Variants in SUGCT observed in about 807,000 individuals in gnomAD.
SUGCT encodes succinyl-CoA:glutarate CoA-transferase.
A neutral mutation model predicts 55.0 loss-of-function variants in SUGCT; 41 were observed. The ratio of observed to expected loss-of-function variants is 0.74; its 90% CI spans 0.58 to 0.97. The LOEUF (loss-of-function observed/expected upper bound fraction) is 0.97, where lower values mean the gene tolerates loss of function less well. SUGCT is among the 50% of genes least tolerant of loss of function. The pLI is 0.00. For missense variants in SUGCT, 568 were observed against 547.8 expected (o/e 1.04, Z -0.37); for synonymous variants, 187 against 200.4 (o/e 0.93, Z 0.56).
At chr7:40,916,517 A>ACAGAT in the SUGCT span, among the ~76,000 whole-genome samples, 1 of 152,206 alleles carries the variant, frequency 6.6e-6, no homozygotes, top group Non-Finnish European at 1.5e-5. Flanking sequence ...TGAAGCCAAT[A>ACAGAT]CAGATGAAAA....
intron 6 of SUGCT, among the ~76,000 whole-genome samples, chr7:40,216,526 G>GC (rs973283032): frequency 1.9e-4 from 27 of 142,192 alleles, no homozygotes; most frequent in Admixed American, 1.4e-4. Context: ...AAAAAAGAAA[G>GC]CATGATAGGA....
At chr7:40,648,027 G>A (rs1004928491) in intron 12 of SUGCT, among the ~76,000 whole-genome samples, 1 of 152,084 alleles carries the variant, frequency 6.6e-6, no homozygotes, top group African/African-American at 2.4e-5. Flanking sequence ...ATCAGAAGAT[G>A]GGTATAAAAA....
In SUGCT at chr7:40,805,948, G is replaced by T. The variant is rs144502593; in HGVS notation, c.1154-54368G>T. On this transcript the variant is annotated intron_variant, in intron 13 of 13. Transcript: ENST00000335693. ...AAATGCCAGGAATATGAAACAGTGAGGAGGAAAGGCTCCTTGAAATAGTGC... is the reference window on the plus strand; with the variant it reads ...AAATGCCAGGAATATGAAACAGTGATGAGGAAAGGCTCCTTGAAATAGTGC... Among the ~76,000 whole-genome samples the T allele has an allele frequency of 1.9e-3, 295 of 152,306 alleles. 1 individual carries two copies. The highest frequency in any genetic ancestry group is 6.9e-3 in the African/African-American group (287 of 41,570).
chr7:40,178,975 C>T (rs991998574), intron 1 of SUGCT, among the ~76,000 whole-genome samples: 3 of 151,974 alleles, frequency 2.0e-5, no homozygotes, highest in African/African-American at 2.4e-5. Flanking sequence ...TTTCTTATCT[C>T]GATCTTTCTG....
chr7:40,815,036 G>A (rs74758827), intron 13 of SUGCT, among the ~76,000 whole-genome samples: 4 of 152,244 alleles, frequency 2.6e-5, no homozygotes, highest in South Asian at 2.1e-4. Context: ...TGTAGATGGC[G>A]CTTATAGGTA....
At chr7:40,645,377 C>T (rs911660183) in intron 12 of SUGCT, among the ~76,000 whole-genome samples, 4 of 152,058 alleles carry the variant, frequency 2.6e-5, no homozygotes, top group Non-Finnish European at 5.9e-5. Flanking sequence ...TGTGGGAGGG[C>T]CCACCATGTA....
the SUGCT span, among the ~76,000 whole-genome samples, chr7:41,006,422 C>G: frequency 6.6e-6 from 1 of 151,996 alleles, no homozygotes; most frequent in Admixed American, 6.5e-5. Flanking sequence ...TTTGAAAGAG[C>G]TACTTGAGTG....
intron 7 of SUGCT, among the ~76,000 whole-genome samples, chr7:40,258,301 C>T (rs1790954643): frequency 1.3e-5 from 2 of 152,154 alleles, no homozygotes; most frequent in Non-Finnish European, 2.9e-5. Flanking sequence ...TTTGAATTTT[C>T]GTTCTGTCAT....
At chr7:40,322,565 C>T (rs888874186) in intron 9 of SUGCT, among the ~76,000 whole-genome samples, 11 of 152,170 alleles carry the variant, frequency 7.2e-5, no homozygotes, top group African/African-American at 1.7e-4. Flanking sequence ...TTATTGTGCT[C>T]CTGGCAAAAC....
chr7:40,983,918 G>C, the SUGCT span, among the ~76,000 whole-genome samples: 2 of 152,140 alleles, frequency 1.3e-5, no homozygotes, highest in Non-Finnish European at 2.9e-5. Context: ...AAAAAGAATT[G>C]GTTGGGGGAT....
At chr7:40,354,430 C>T (rs1797791678) in intron 9 of SUGCT, among the ~76,000 whole-genome samples, 1 of 152,132 alleles carries the variant, frequency 6.6e-6, no homozygotes. Context: ...GGAGGAGAGG[C>T]CACCTGGTTA....
chr7:40,249,337 A>ATG (rs959583985), intron 7 of SUGCT, among the ~76,000 whole-genome samples: 2 of 113,686 alleles, frequency 1.8e-5, no homozygotes, highest in African/African-American at 6.0e-5. Context: ...ATATATATAT[A>ATG]TATATATATA....
At chr7:40,613,867 G>A (rs532971064) in intron 12 of SUGCT, among the ~76,000 whole-genome samples, 4 of 152,180 alleles carry the variant, frequency 2.6e-5, no homozygotes, top group South Asian at 2.1e-4. Context: ...TCGGCCTCCC[G>A]AAGTGCTGTG....
At chr7:40,441,707 G>A (rs1788524950) in intron 9 of SUGCT, among the ~76,000 whole-genome samples, 1 of 152,302 alleles carries the variant, frequency 6.6e-6, no homozygotes, top group African/African-American at 2.4e-5. Context: ...TAGAGAAAGA[G>A]TTTAATAATC....
intron 8 of SUGCT, among the ~76,000 whole-genome samples, chr7:40,302,264 T>C (rs1794581741): frequency 6.6e-6 from 1 of 152,090 alleles, no homozygotes; most frequent in Admixed American, 6.5e-5. Flanking sequence ...CCTGTTATTC[T>C]TCCCACCTGT....
chr7:40,949,371 G>A, the SUGCT span, among the ~76,000 whole-genome samples: 1 of 152,078 alleles, frequency 6.6e-6, no homozygotes, highest in African/African-American at 2.4e-5. Flanking sequence ...TGTCAGATGA[G>A]TAGATTGCAA....
intron 12 of SUGCT, among the ~76,000 whole-genome samples, chr7:40,711,967 C>G (rs1255668224): frequency 6.6e-6 from 1 of 152,202 alleles, no homozygotes; most frequent in Non-Finnish European, 1.5e-5. Flanking sequence ...CATCCTCACT[C>G]TCATTCAGTT....
At chr7:40,658,948 G>A (rs1318911251) in intron 12 of SUGCT, among the ~76,000 whole-genome samples, 1 of 152,112 alleles carries the variant, frequency 6.6e-6, no homozygotes, top group Non-Finnish European at 1.5e-5. Context: ...TGTGGAGTTT[G>A]ACTCATTTCA....
chr7:40,630,812 C>T (rs760152164), intron 12 of SUGCT, among the ~76,000 whole-genome samples: 24 of 137,746 alleles, frequency 1.7e-4, no homozygotes, highest in Admixed American at 4.1e-4. Context: ...TGAGCTAACA[C>T]AGTGGGGATT....
Sources: allele counts gnomAD v4.1 joint callset (sites outside exome capture counted in the v4.1 genomes callset), GRCh38; gene constraint gnomAD v4.1.1; transcripts MANE v1.5; gene names NCBI Gene and HGNC (gene_info 2026-07-23, HGNC 2026-07-21).